ARIH1: variants seen among roughly 807,000 people sequenced by gnomAD.
ARIH1 encodes ariadne RBR E3 ubiquitin protein ligase 1, also known as E3 ubiquitin-protein ligase ARIH1.
ARIH1 carries 8 observed loss-of-function variants against 85.0 expected under a neutral mutation model. That is an observed-to-expected ratio of 0.09 (90% CI 0.06 to 0.17). The LOEUF (loss-of-function observed/expected upper bound fraction) is 0.17, where lower values mean the gene tolerates loss of function less well. ARIH1 is among the 10% of genes least tolerant of loss of function. ARIH1 has a pLI of 1.00. For synonymous variants in ARIH1, 238 were observed against 253.6 expected (o/e 0.94, Z 0.59); for missense variants, 311 against 718.1 (o/e 0.43, Z 6.48).
chr15:72,494,001 G>A (rs1167010937), intron 1 of ARIH1, among the ~76,000 whole-genome samples: 1 of 151,984 alleles, frequency 6.6e-6, no homozygotes, highest in African/African-American at 2.4e-5. Context: ...CTCCCTCACA[G>A]TATTATTGAT....
rs1162573671 is a variant in ARIH1 at position 72,482,836 on chromosome 15, TCTC to T, written c.375+7823_375+7825del. On this transcript the variant is annotated intron_variant, in intron 1 of 13. Transcript: ENST00000379887. ...GACGGCTTGGTAGCAGTTCTCTCTC[TCTC>T]TTTTTTTTTTTTTTTTTTAAAGACA... Among the ~76,000 whole-genome samples the T allele has an allele frequency of 1.7e-4, 15 of 86,928 alleles. No homozygotes were observed. In the South Asian group the frequency reaches 5.5e-3, roughly 32 times the overall value. The allele number at this position is 86,928 out of a possible 152,430, so 57.0% of individuals were successfully genotyped here. A position where few individuals can be genotyped will look rare whatever the true frequency, so the allele number is the denominator to read the frequency against.
chr15:72,476,018 T>C (rs2063793619), intron 1 of ARIH1, among the ~76,000 whole-genome samples: 1 of 152,228 alleles, frequency 6.6e-6, no homozygotes, highest in Non-Finnish European at 1.5e-5. Flanking sequence ...CTTGATTCAG[T>C]GCAATTTTTA....
At chr15:72,578,719 A>G (rs949183320) in intron 11 of ARIH1, among the ~76,000 whole-genome samples, 16 of 152,126 alleles carry the variant, frequency 1.1e-4, no homozygotes, top group African/African-American at 3.6e-4. Context: ...TCAAGGGTCA[A>G]CTGTATATGT....
chr15:72,547,794 C>A (rs1053141427), intron 3 of ARIH1, among the ~76,000 whole-genome samples: 1 of 152,170 alleles, frequency 6.6e-6, no homozygotes, highest in Non-Finnish European at 1.5e-5. Flanking sequence ...GGTTTCCTTA[C>A]TTCTTGGCGT....
At chr15:72,567,069 C>CT in intron 8 of ARIH1, 37 bp from the exon 9 acceptor site, 1 of 1,511,498 alleles carries the variant, frequency 6.6e-7, no homozygotes, top group South Asian at 1.2e-5. Flanking sequence ...TTTTAAAAGT[C>CT]TTTTGTTGTA....
At chr15:72,491,305 C>T (rs1164629905) in intron 1 of ARIH1, among the ~76,000 whole-genome samples, 2 of 151,176 alleles carry the variant, frequency 1.3e-5, no homozygotes, top group African/African-American at 2.4e-5. Flanking sequence ...AATGCTTCCC[C>T]CCACCCCCCC....
intron 7 of ARIH1, among the ~76,000 whole-genome samples, chr15:72,564,564 C>G (rs913609072): frequency 1.2e-4 from 18 of 152,178 alleles, no homozygotes; most frequent in African/African-American, 4.1e-4. Context: ...TACTTACTAC[C>G]TAGTTTCAAA....
intron 5 of ARIH1, among the ~76,000 whole-genome samples, chr15:72,559,153 G>A (rs2064187068): frequency 6.6e-6 from 1 of 152,144 alleles, no homozygotes; most frequent in Non-Finnish European, 1.5e-5. Context: ...CATATATGCA[G>A]GTTTCACATC....
chr15:72,494,072 T>C (rs2063870292), intron 1 of ARIH1, among the ~76,000 whole-genome samples: 1 of 152,200 alleles, frequency 6.6e-6, no homozygotes. Flanking sequence ...ATATTTCTTA[T>C]AAGATCCTAA....
chr15:72,563,524 GA>G (rs2064206034), intron 7 of ARIH1, 24 bp downstream of exon 7: 1 of 1,564,602 alleles, frequency 6.4e-7, no homozygotes, highest in South Asian at 1.1e-5. Flanking sequence ...TTCCTAAATT[GA>G]AATAGTGCAC....
intron 1 of ARIH1, among the ~76,000 whole-genome samples, chr15:72,483,268 T>C (rs1035396579): frequency 5.3e-5 from 8 of 152,294 alleles, no homozygotes; most frequent in Admixed American, 6.5e-5. Flanking sequence ...CCCAGAGATA[T>C]CAGTTCCTTG....
intron 1 of ARIH1, among the ~76,000 whole-genome samples, chr15:72,478,328 G>T (rs890806153): frequency 6.6e-6 from 1 of 151,928 alleles, no homozygotes; most frequent in African/African-American, 2.4e-5. Flanking sequence ...TGTTGGCCAG[G>T]CTGGTCTTGA....
intron 2 of ARIH1, among the ~76,000 whole-genome samples, chr15:72,529,677 T>C (rs994918834): frequency 3.9e-5 from 6 of 152,072 alleles, no homozygotes; most frequent in African/African-American, 1.4e-4. Flanking sequence ...TGGGAAAGGA[T>C]TTAGTAATGA....
intron 1 of ARIH1, among the ~76,000 whole-genome samples, chr15:72,491,255 T>C (rs1269789291): frequency 6.6e-6 from 1 of 152,186 alleles, no homozygotes. Flanking sequence ...CCTGTGGAAA[T>C]TTTCTGTATG....
chr15:72,499,129 C>T (rs1163273269), intron 1 of ARIH1, among the ~76,000 whole-genome samples: 2 of 151,656 alleles, frequency 1.3e-5, no homozygotes, highest in Non-Finnish European at 2.9e-5. Context: ...GCGCACGCCA[C>T]CACACTTGGC....
At chr15:72,567,248 C>A in intron 9 of ARIH1, 71 bp downstream of exon 9, 1 of 1,201,204 alleles carries the variant, frequency 8.3e-7, no homozygotes. Flanking sequence ...TTAGCAAAAG[C>A]AATGAGGTGA....
chr15:72,541,138 A>G (rs1266528106), intron 2 of ARIH1, among the ~76,000 whole-genome samples: 3 of 152,178 alleles, frequency 2.0e-5, no homozygotes, highest in African/African-American at 4.8e-5. Context: ...TGTGGGGGTT[A>G]AAAGGAAGCG....
At chr15:72,475,085 C>CGA in intron 1 of ARIH1, 71 bp downstream of exon 1, 2 of 1,535,880 alleles carry the variant, frequency 1.3e-6, no homozygotes, top group Non-Finnish European at 1.8e-6. Flanking sequence ...CGCGCGGTCC[C>CGA]GAGGGACAGG....
At chr15:72,534,858 C>T (rs890471451) in intron 2 of ARIH1, among the ~76,000 whole-genome samples, 7 of 151,910 alleles carry the variant, frequency 4.6e-5, no homozygotes, top group Non-Finnish European at 1.0e-4. Flanking sequence ...AGAATCAGAG[C>T]GTATCAAGAA....
Sources: gnomAD v4.1 joint callset for allele counts (sites outside exome capture counted in the v4.1 genomes callset) on GRCh38, gnomAD v4.1.1 for gene constraint, MANE v1.5 for transcripts, NCBI Gene and HGNC (gene_info 2026-07-23, HGNC 2026-07-21) for gene names.